The following BMP2K variants were observed in gnomAD, a reference collection of about 807,000 sequenced individuals.
The protein encoded by BMP2K is BMP-2-inducible protein kinase.
BMP2K carries 74 observed loss-of-function variants against 116.0 expected under a neutral mutation model. That is an observed-to-expected ratio of 0.64 (90% CI 0.53 to 0.77). BMP2K has a LOEUF of 0.77. BMP2K is among the 30% of genes least tolerant of loss of function. The pLI is 0.00. For missense variants in BMP2K, 1,365 were observed against 1,403.6 expected, an observed-to-expected ratio of 0.97 and a Z score of 0.44; for synonymous variants, 486 against 502.5, an observed-to-expected ratio of 0.97 and a Z score of 0.44.
Position 78,851,013 on chromosome 4 carries a change from C to G in BMP2K, c.840C>G (p.Ile280Met). 6.2e-7 allele frequency: 1 copy of G among 1,611,898 alleles called. No homozygotes were observed. Among genetic ancestry groups the G allele is most frequent in the Non-Finnish European group, 8.5e-7 (1 of 1,178,744 alleles). The change falls in exon 7 of 16, where the codon ATC becomes ATG. Residue 280 changes from isoleucine to methionine, a missense_variant. Transcript: ENST00000502613. ...QVAICDGNFT[I>M]PDNSRYSRNI... ...CTATCTGTGATGGCAACTTCACCAT[C>G]CCAGACAATTCTCGTTACTCCCGTA...
intron 1 of BMP2K, among the ~76,000 whole-genome samples, chr4:78,788,225 T>A (rs1314703807): frequency 3.3e-5 from 5 of 152,266 alleles, no homozygotes; most frequent in African/African-American, 1.2e-4. Flanking sequence ...TACTGACTCA[T>A]GATCAGTAGG....
intron 10 of BMP2K, among the ~76,000 whole-genome samples, chr4:78,868,495 C>T (rs1480668507): frequency 2.0e-5 from 3 of 152,118 alleles, no homozygotes; most frequent in Admixed American, 6.5e-5. Flanking sequence ...ATTTCAAAAC[C>T]AATCATGCCT....
At chr4:78,809,853 T>G (rs1422188906) in intron 1 of BMP2K, among the ~76,000 whole-genome samples, 1 of 152,146 alleles carries the variant, frequency 6.6e-6, no homozygotes, top group African/African-American at 2.4e-5. Context: ...CTAACATGGG[T>G]TTTCTCAGAG....
intron 2 of BMP2K, among the ~76,000 whole-genome samples, chr4:78,833,127 A>G (rs1196191791): frequency 6.6e-6 from 1 of 151,922 alleles, no homozygotes; most frequent in Non-Finnish European, 1.5e-5. Flanking sequence ...TTTTTAGGTT[A>G]TTTAGTTAGA....
Position 78,796,559 on chromosome 4 carries a change from T to C in BMP2K, c.178+19838T>C, listed in dbSNP as rs1285275604. On this transcript the variant is annotated intron_variant, in intron 1 of 15. Transcript: ENST00000502613. Reference sequence around the variant, plus strand: ...AATAATAAAAAAGAGTTGCAGATGCTCTTTAGGAAATCTGGTGGAAGAGGT... The same window carrying C: ...AATAATAAAAAAGAGTTGCAGATGCCCTTTAGGAAATCTGGTGGAAGAGGT... Among the ~76,000 whole-genome samples, 18 of 152,296 alleles carry C rather than the reference T, an allele frequency of 1.2e-4. No individual in the cohort carries two copies. The East Asian group carries it at 3.3e-3, about 28-fold the overall frequency.
chr4:78,865,763 T>C (rs1237043376), intron 10 of BMP2K, 43 bp downstream of exon 10: 11 of 1,566,158 alleles, frequency 7.0e-6, no homozygotes, highest in East Asian at 2.3e-5. Flanking sequence ...AGGTTAATGT[T>C]AATAAACCTT....
chr4:78,795,438 G>T (rs1728207794), intron 1 of BMP2K, among the ~76,000 whole-genome samples: 1 of 152,168 alleles, frequency 6.6e-6, no homozygotes, highest in Non-Finnish European at 1.5e-5. Flanking sequence ...GCAGATGCTA[G>T]AAGAAAACCT....
chr4:78,794,714 C>T (rs1728170248), intron 1 of BMP2K, among the ~76,000 whole-genome samples: 1 of 152,126 alleles, frequency 6.6e-6, no homozygotes, highest in South Asian at 2.1e-4. Context: ...AGGCATGTGC[C>T]ACTGCACCTG....
intron 15 of BMP2K, among the ~76,000 whole-genome samples, chr4:78,897,596 A>G (rs1277552300): frequency 6.6e-6 from 1 of 152,196 alleles, no homozygotes; most frequent in African/African-American, 2.4e-5. Context: ...CCTGTTAAGC[A>G]TAGTGTATGT....
At chr4:78,886,618 T>C (rs1733102514) in intron 14 of BMP2K, among the ~76,000 whole-genome samples, 1 of 152,150 alleles carries the variant, frequency 6.6e-6, no homozygotes. Context: ...ACTCTGTTTT[T>C]GTGTAAGTTT....
At chr4:78,810,826 C>CCT (rs1553914252) in intron 1 of BMP2K, among the ~76,000 whole-genome samples, 1 of 151,906 alleles carries the variant, frequency 6.6e-6, no homozygotes. Flanking sequence ...TGAATAAAAA[C>CCT]ATTGTTACAA....
At chr4:78,856,118 G>A (rs1731495088) in intron 7 of BMP2K, among the ~76,000 whole-genome samples, 2 of 152,110 alleles carry the variant, frequency 1.3e-5, no homozygotes, top group South Asian at 2.1e-4. Flanking sequence ...CACTGAACTC[G>A]AGGTTTAATT....
At chr4:78,811,434 T>A (rs927638631) in intron 1 of BMP2K, among the ~76,000 whole-genome samples, 2 of 152,250 alleles carry the variant, frequency 1.3e-5, no homozygotes, top group East Asian at 3.8e-4. Flanking sequence ...TATGGTTATA[T>A]GTACTGCTAG....
Position 78,853,444 on chromosome 4 carries a change from G to A in BMP2K, c.883+2388G>A, listed in dbSNP as rs1192311783. The stretch of plus-strand genomic sequence containing the variant: ...ACTCTCCCAATAGACAAGTAATGGG[G>A]CCGACATGGGGGATGAGGAAAGAAG... On this transcript the variant is annotated intron_variant, in intron 7 of 15. Transcript: ENST00000502613. Among the ~76,000 whole-genome samples, 4 of 152,114 alleles carry A rather than the reference G, an allele frequency of 2.6e-5. No individual in the cohort carries two copies. In the East Asian group the frequency reaches 5.8e-4, roughly 22 times the overall value.
At chr4:78,861,191 T>G (rs1445488894) in intron 8 of BMP2K, among the ~76,000 whole-genome samples, 198 bp from the exon 9 acceptor site, 1 of 151,886 alleles carries the variant, frequency 6.6e-6, no homozygotes, top group Non-Finnish European at 1.5e-5. Flanking sequence ...GAATATGAAA[T>G]TGACATTTGT....
intron 1 of BMP2K, among the ~76,000 whole-genome samples, chr4:78,787,658 C>G (rs1727791853): frequency 6.6e-6 from 1 of 152,028 alleles, no homozygotes; most frequent in Non-Finnish European, 1.5e-5. Flanking sequence ...GATCTTATCT[C>G]CTTAAGGCTC....
chr4:78,845,011 A>G lies in BMP2K; in HGVS notation c.630A>G (p.Gln210=). The G allele has an allele frequency of 1.3e-6, 2 of 1,589,624 alleles. No homozygotes were observed. The highest frequency in any genetic ancestry group is 2.2e-5 in the East Asian group (1 of 44,542). Residue 210 remains glutamine, a synonymous_variant, in exon 5 of 16, where the codon CAA becomes CAG. Coordinates refer to ENST00000502613, the MANE Select transcript of BMP2K (RefSeq NM_198892.2). ...CCACTAATAAATTTCTTAATCCTCAAAAAGATGGAGTTAATGTAGTAGAAG... is the reference window on the plus strand; with the variant it reads ...CCACTAATAAATTTCTTAATCCTCAGAAAGATGGAGTTAATGTAGTAGAAG... The part of the protein sequence containing the change: ...GSATNKFLNP[Q]KDGVNVVEEE...
intron 1 of BMP2K, among the ~76,000 whole-genome samples, chr4:78,798,316 C>T (rs919308398): frequency 2.0e-5 from 3 of 152,058 alleles, no homozygotes; most frequent in Non-Finnish European, 4.4e-5. Context: ...TTGAAAGAAG[C>T]GAGAAATGGA....
chr4:78,851,916 C>G (rs1400054550), intron 7 of BMP2K, among the ~76,000 whole-genome samples: 2 of 151,946 alleles, frequency 1.3e-5, no homozygotes, highest in African/African-American at 4.8e-5. Flanking sequence ...AAAAGTTCCC[C>G]CAGACTCATG....
Sources: allele counts gnomAD v4.1 joint callset (sites outside exome capture counted in the v4.1 genomes callset), GRCh38; gene constraint gnomAD v4.1.1; transcripts MANE v1.5; gene names NCBI Gene and HGNC (gene_info 2026-07-23, HGNC 2026-07-21).